The following ABCA13 variants were observed in gnomAD, a reference collection of about 807,000 sequenced individuals.
The protein encoded by ABCA13 is ATP-binding cassette sub-family A member 13.
Under a neutral mutation model 478.7 loss-of-function variants are expected in ABCA13, and 476 were observed. The observed-to-expected ratio is 0.99, with a 90% CI of 0.92 to 1.07. ABCA13 has a LOEUF of 1.07. ABCA13 is among the 50% of genes least tolerant of loss of function. The pLI is 0.00. For missense variants in ABCA13, 6,060 were observed against 5,910.6 expected (o/e 1.03, Z -0.83); for synonymous variants, 2,252 against 2,158.9 (o/e 1.04, Z -1.20).
chr7:48,591,676 T>A (rs1192924064), intron 57 of ABCA13, among the ~76,000 whole-genome samples: 1 of 151,990 alleles, frequency 6.6e-6, no homozygotes, highest in Non-Finnish European at 1.5e-5. Context: ...AGTATACAGA[T>A]CTTTCACTTC....
chr7:48,463,675 C>T (rs1235880221), intron 43 of ABCA13, among the ~76,000 whole-genome samples: 1 of 151,968 alleles, frequency 6.6e-6, no homozygotes, highest in African/African-American at 2.4e-5. Context: ...AGAAATTTAT[C>T]AACACCAAAA....
chr7:48,293,030 A>T (rs1798753721), intron 20 of ABCA13, among the ~76,000 whole-genome samples: 1 of 152,236 alleles, frequency 6.6e-6, no homozygotes, highest in Non-Finnish European at 1.5e-5. Flanking sequence ...GAATGACAAT[A>T]ATAGATGAAT....
intron 15 of ABCA13, among the ~76,000 whole-genome samples, 156 bp from the exon 16 acceptor site, chr7:48,268,824 A>G (rs971878705): frequency 2.0e-5 from 3 of 150,350 alleles, no homozygotes; most frequent in Admixed American, 2.0e-4. Flanking sequence ...TGGAAGCACA[A>G]GTCAAATTAG....
chr7:48,350,241 GT>G (rs201540790), intron 29 of ABCA13, among the ~76,000 whole-genome samples: 13 of 151,830 alleles, frequency 8.6e-5, no homozygotes, highest in African/African-American at 2.7e-4. Flanking sequence ...GGGAAGGCGT[GT>G]TTTTTTTAGA....
At chr7:48,368,687 G>GTATATATATATATATATATATA (rs201820250) in intron 32 of ABCA13, among the ~76,000 whole-genome samples, 1 of 122,740 alleles carries the variant, frequency 8.1e-6, no homozygotes, top group African/African-American at 3.1e-5. Context: ...GTGTGTATGT[G>GTATATATATATATATATATATA]TATATATATA....
chr7:48,414,148 G>A (rs746808544), intron 41 of ABCA13, among the ~76,000 whole-genome samples: 1 of 152,102 alleles, frequency 6.6e-6, no homozygotes, highest in Admixed American at 6.5e-5. Context: ...CAAAGGATGC[G>A]GTCACTACAT....
chr7:48,424,135 A>G (rs1821115452), intron 41 of ABCA13, among the ~76,000 whole-genome samples: 1 of 152,248 alleles, frequency 6.6e-6, no homozygotes, highest in African/African-American at 2.4e-5. Flanking sequence ...CCAGGACATT[A>G]GATGTTTAGC....
chr7:48,632,655 T>C (rs1356878040), intron 59 of ABCA13, among the ~76,000 whole-genome samples: 8 of 152,198 alleles, frequency 5.3e-5, no homozygotes, highest in Non-Finnish European at 1.0e-4. Context: ...CACAATAGGA[T>C]ATACCTGTAG....
intron 27 of ABCA13, among the ~76,000 whole-genome samples, chr7:48,324,109 C>T (rs1319841957): frequency 6.6e-6 from 1 of 152,152 alleles, no homozygotes; most frequent in East Asian, 1.9e-4. Flanking sequence ...TTAGTTTTCT[C>T]AGGCTGCCAT....
At chr7:48,304,968 G>C (rs181318191) in intron 23 of ABCA13, among the ~76,000 whole-genome samples, 1 of 152,296 alleles carries the variant, frequency 6.6e-6, no homozygotes. Context: ...GTTCTCTTAA[G>C]TGTAATCATC....
At chr7:48,462,643 G>A (rs572216511) in intron 43 of ABCA13, among the ~76,000 whole-genome samples, 1 of 152,118 alleles carries the variant, frequency 6.6e-6, no homozygotes, top group Non-Finnish European at 1.5e-5. Context: ...CGAGTAGCTA[G>A]GATTACAAGC....
chr7:48,471,605 T>A lies in ABCA13; in HGVS notation c.12975+6T>A. ...AGGATTCATGTGGCTGCCTGGTAGG[T>A]TTCTGCAGCATTTTTGATCTTTTTA... On this transcript the variant is annotated splice_donor_region_variant and intron_variant, in intron 45 of 61. Transcript: ENST00000435803. 2 of 1,557,842 alleles carry A rather than the reference T, an allele frequency of 1.3e-6. No individual in the cohort carries two copies. Among genetic ancestry groups the A allele is most frequent in the Non-Finnish European group, 1.7e-6 (2 of 1,149,424 alleles).
rs762367233 is a variant in ABCA13 at position 48,466,965 on chromosome 7, C to T, written c.12825C>T (p.Gly4275=). The change falls in exon 44 of 62, where the codon GGC becomes GGT. Residue 4275 remains glycine (G), a synonymous_variant. Transcript: ENST00000435803. The part of the protein sequence containing the change: ...RAETYFFSSG[G]DNLDLTRVLL... ...TCACAATGAACAGCAGCAGTGGGGG[C>T]GACAACTTGGACCTCACCCGTGTGC... 1.2e-5 allele frequency: 19 copies of T among 1,613,740 alleles called. No individual in the cohort carries two copies. Among genetic ancestry groups the T allele is most frequent in the Middle Eastern group, 3.3e-4 (2 of 6,078 alleles).
intron 59 of ABCA13, among the ~76,000 whole-genome samples, chr7:48,641,824 A>T (rs77696681): frequency 2.6e-5 from 4 of 152,168 alleles, no homozygotes; most frequent in African/African-American, 9.7e-5. Context: ...TCTTTTCATG[A>T]AACGTGGACA....
chr7:48,314,185 G>A (rs1175586893), intron 25 of ABCA13, 47 bp from the exon 26 acceptor site: 7 of 1,583,164 alleles, frequency 4.4e-6, no homozygotes, highest in Admixed American at 1.8e-5. Context: ...TGAAGGAATT[G>A]TTTTAAGTCA....
At position 48,271,885 on chromosome 7, in the gene ABCA13, T is replaced by C; in HGVS notation, c.2219T>C (p.Phe740Ser). The change falls in exon 17 of 62, where the codon TTT becomes TCT. Residue 740 changes from phenylalanine to serine, a missense_variant. Phe to Ser is a radical substitution (Grantham distance 155). Coordinates refer to ENST00000435803, the MANE Select transcript of ABCA13 (RefSeq NM_152701.5). ...TTTCTTTTATCATTTGTGGAATTTT[T>C]TGAGAAATTATTGTTGCCTAATCTT... Reference protein sequence around the residue: ...MNFLLSFVEFFEKLLLPNLFD... With the variant: ...MNFLLSFVEFSEKLLLPNLFD... 6.2e-7 allele frequency: 1 copy of C among 1,611,868 alleles called. No homozygotes were observed. The highest frequency in any genetic ancestry group is 1.1e-5 in the South Asian group (1 of 90,596).
At chr7:48,621,127 A>C (rs1022078377) in intron 59 of ABCA13, among the ~76,000 whole-genome samples, 2 of 151,998 alleles carry the variant, frequency 1.3e-5, no homozygotes, top group African/African-American at 4.8e-5. Flanking sequence ...TGATTACACA[A>C]TACTCCCACC....
intron 55 of ABCA13, among the ~76,000 whole-genome samples, chr7:48,565,814 C>T (rs1786998573): frequency 1.3e-5 from 2 of 152,162 alleles, no homozygotes; most frequent in Non-Finnish European, 2.9e-5. Flanking sequence ...GTTTTGGTCA[C>T]AGGCTCAGGG....
At chr7:48,634,297 TG>T (rs1288207314) in intron 59 of ABCA13, among the ~76,000 whole-genome samples, 1 of 152,222 alleles carries the variant, frequency 6.6e-6, no homozygotes, top group Non-Finnish European at 1.5e-5. Flanking sequence ...TTTGGTATTG[TG>T]GTAACACTGG....
Sources: allele counts gnomAD v4.1 joint callset (sites outside exome capture counted in the v4.1 genomes callset), GRCh38; gene constraint gnomAD v4.1.1; transcripts MANE v1.5; gene names NCBI Gene and HGNC (gene_info 2026-07-23, HGNC 2026-07-21).